IRAG2: variants seen among roughly 807,000 people sequenced by gnomAD.
IRAG2 encodes lymphoid restricted membrane protein.
A neutral mutation model predicts 69.9 loss-of-function variants in IRAG2; 45 were observed. The observed-to-expected ratio is 0.64, with a 90% confidence interval of 0.51 to 0.83. IRAG2 has a LOEUF of 0.83. IRAG2 is among the 40% of genes least tolerant of loss of function. The pLI is 0.00. For synonymous variants in IRAG2, 193 were observed against 202.4 expected (o/e 0.95, Z 0.40); for missense variants, 520 against 587.0 (o/e 0.89, Z 1.18).
In IRAG2 at chr12:25,090,302, G is replaced by C. The variant is rs775533119; in HGVS notation, c.606+105G>C. 285 of 1,053,196 alleles carry C rather than the reference G, an allele frequency of 2.7e-4. 1 individual carries two copies. The highest frequency in any genetic ancestry group is 3.8e-4 in the Non-Finnish European group (274 of 726,722). The allele number at this position is 1,053,196 out of a possible 1,614,324, so 65.2% of individuals were successfully genotyped here. ...GGAGGCCAAGGCAGGAGGATCATGG[G>C]AGACCAAGGCAGGAGGATCACTTGA... On this transcript the variant is annotated intron_variant, in intron 14 of 21. Coordinates refer to ENST00000556887, the MANE Select transcript of IRAG2 (RefSeq NM_001366544.2).
At chr12:25,043,833 G>A (rs182849394) in intron 16 of IRAG2, among the ~76,000 whole-genome samples, 2 of 152,252 alleles carry the variant, frequency 1.3e-5, no homozygotes, top group African/African-American at 2.4e-5. Context: ...CAATAAAGAA[G>A]TAGGAAAATA....
chr12:25,085,803 A>T (rs371838923), intron 10 of IRAG2, among the ~76,000 whole-genome samples: 27 of 150,142 alleles, frequency 1.8e-4, no homozygotes, highest in African/African-American at 6.8e-4. Flanking sequence ...ATGATACCTA[A>T]TACAGTATAA....
chr12:25,103,940 AT>A, intron 18 of IRAG2, 41 bp downstream of exon 18: 2 of 1,604,316 alleles, frequency 1.2e-6, no homozygotes, highest in Non-Finnish European at 1.7e-6. Flanking sequence ...AGGTAAATTC[AT>A]TTTCATATGA....
intron 9 of IRAG2, among the ~76,000 whole-genome samples, chr12:25,082,295 A>C (rs1181155211): frequency 1.3e-5 from 2 of 152,060 alleles, no homozygotes; most frequent in African/African-American, 4.8e-5. Context: ...CTTGTCCTAA[A>C]ATTTTTTAAA....
intron 16 of IRAG2, among the ~76,000 whole-genome samples, chr12:25,040,545 AAG>A (rs1455187338): frequency 6.6e-6 from 1 of 152,166 alleles, no homozygotes; most frequent in Non-Finnish European, 1.5e-5. Context: ...AGAAAAGAAA[AAG>A]AAAATAAATG....
rs72480019 is a variant in IRAG2 at position 25,014,862 on chromosome 12, C to T, written c.897-320C>T. 1.1e-4 allele frequency among the ~76,000 whole-genome samples: 17 copies of T among 151,474 alleles called. No individual in the cohort carries two copies. In the East Asian group the frequency reaches 1.6e-3, roughly 14 times the overall value. Reference sequence around the variant, plus strand: ...CGAGACCCCACATCTCCTAATCATACGCTGCCTGTGAGTTTTCTTTTTCAT... The same window carrying T: ...CGAGACCCCACATCTCCTAATCATATGCTGCCTGTGAGTTTTCTTTTTCAT... On this transcript the variant is annotated intron_variant, in intron 3 of 38. Coordinates refer to the IRAG2 transcript ENST00000636465.
chr12:25,055,588 C>A (rs529150035), intron 1 of IRAG2, among the ~76,000 whole-genome samples: 20 of 152,258 alleles, frequency 1.3e-4, no homozygotes, highest in Admixed American at 1.3e-3. Context: ...GGTATTTCTC[C>A]TAATGCTACA....
At chr12:25,088,363 C>T (rs859153) in intron 11 of IRAG2, among the ~76,000 whole-genome samples, 80,314 of 152,070 alleles carry the variant, frequency 0.53, 21,384 homozygotes, top group Admixed American at 0.61. Flanking sequence ...CCCAGAAAAC[C>T]TGTAATAACT....
At chr12:25,057,252 A>ATTT (rs368710047) in intron 1 of IRAG2, among the ~76,000 whole-genome samples, 6,099 of 88,986 alleles carry the variant, frequency 0.069, 1,077 homozygotes, top group Non-Finnish European at 0.086. Flanking sequence ...AGGTAGACAG[A>ATTT]TTTTTTTTTT....
intron 15 of IRAG2, among the ~76,000 whole-genome samples, chr12:25,100,018 A>AAAAAAAAAAAAAAAAAAAAG (rs1565588258): frequency 6.7e-6 from 1 of 150,332 alleles, no homozygotes; most frequent in Non-Finnish European, 1.5e-5. Context: ...AAAAAAAAAA[A>AAAAAAAAAAAAAAAAAAAAG]AAAAAAATGG....
intron 14 of IRAG2, among the ~76,000 whole-genome samples, chr12:25,094,884 T>C (rs546395856): frequency 4.1e-4 from 63 of 152,304 alleles, no homozygotes; most frequent in African/African-American, 1.4e-3. Context: ...AAATTGTTAG[T>C]GTGTAGAAAG....
At chr12:25,020,995 A>G in intron 7 of IRAG2, 1 of 584,460 alleles carries the variant, frequency 1.7e-6, no homozygotes, top group Non-Finnish European at 2.5e-6. Flanking sequence ...GAACATCAGA[A>G]GTCAATATCC....
At chr12:25,038,027 C>T (rs1944715428) in exon 16 of IRAG2, 1 of 398,872 alleles carries the variant, frequency 2.5e-6, no homozygotes, top group Non-Finnish European at 4.4e-6. Context: ...TAATGCTGAA[C>T]ATCTTGGGAA....
chr12:25,053,903 C>G (rs1160099328), intron 1 of IRAG2, among the ~76,000 whole-genome samples: 1 of 151,900 alleles, frequency 6.6e-6, no homozygotes, highest in East Asian at 1.9e-4. Context: ...TCTGAGAAAG[C>G]TATTTAGGAG....
intron 17 of IRAG2, chr12:25,102,773 G>A (rs966885371): frequency 6.5e-5 from 10 of 152,690 alleles, no homozygotes; most frequent in African/African-American, 2.4e-4. Flanking sequence ...AATACAGCGT[G>A]TATTTGGGAG....
chr12:25,016,993 T>C, intron 5 of IRAG2: 1 of 482,280 alleles, frequency 2.1e-6, no homozygotes. Flanking sequence ...TTAATTATGT[T>C]TATGATGACA....
Position 25,098,572 on chromosome 12 carries a change from G to A in IRAG2, c.741+1528G>A, listed in dbSNP as rs539294749. On this transcript the variant is annotated intron_variant, in intron 15 of 21. Transcript: ENST00000556887. The stretch of plus-strand genomic sequence containing the variant: ...CCGACTAATTTACTCAGAGTCATGG[G>A]ACCAAATTCTCCTGACTTTTCTCCA... Among the ~76,000 whole-genome samples the A allele has an allele frequency of 2.0e-5, 3 of 152,324 alleles. No homozygotes were observed. In the South Asian group the frequency reaches 6.2e-4, roughly 32 times the overall value.
chr12:25,086,645 T>C (rs1947625979), intron 10 of IRAG2, among the ~76,000 whole-genome samples: 1 of 152,044 alleles, frequency 6.6e-6, no homozygotes, highest in Non-Finnish European at 1.5e-5. Flanking sequence ...CAGAGGAGAC[T>C]GAGAACGGGC....
chr12:25,091,166 C>T (rs1948030681), intron 14 of IRAG2: 1 of 171,984 alleles, frequency 5.8e-6, no homozygotes, highest in Non-Finnish European at 1.2e-5. Flanking sequence ...TAAAATTTAT[C>T]ATCTTGAACA....
Sources: gnomAD v4.1 joint callset for allele counts (sites outside exome capture counted in the v4.1 genomes callset) on GRCh38, gnomAD v4.1.1 for gene constraint, MANE v1.5 for transcripts, NCBI Gene and HGNC (gene_info 2026-07-23, HGNC 2026-07-21) for gene names.